Variants in SLC8A1 observed in about 807,000 individuals in gnomAD.
SLC8A1 encodes the protein solute carrier family 8 member A1.
SLC8A1 carries 18 observed loss-of-function variants against 68.3 expected under a neutral mutation model. The ratio of observed to expected loss-of-function variants is 0.26; its 90% CI spans 0.18 to 0.39. The LOEUF (loss-of-function observed/expected upper bound fraction) is 0.39, where lower values mean the gene tolerates loss of function less well. Ranked by LOEUF, SLC8A1 falls within the 10% of genes least tolerant of loss-of-function variation. The pLI is 1.00. For synonymous variants in SLC8A1, 475 were observed against 415.5 expected (o/e 1.14, Z -1.74); for missense variants, 985 against 1,156.7 (o/e 0.85, Z 2.15).
At chr2:40,408,780 T>C (rs1173574283) in intron 2 of SLC8A1, among the ~76,000 whole-genome samples, 1 of 152,150 alleles carries the variant, frequency 6.6e-6, no homozygotes, top group Non-Finnish European at 1.5e-5. Context: ...GATTTAGTCA[T>C]ACAAATTTAT....
intron 2 of SLC8A1, chr2:40,250,514 G>C (rs2062567773): frequency 6.7e-6 from 1 of 150,000 alleles, no homozygotes; most frequent in Non-Finnish European, 1.5e-5. Context: ...GAAAATGTAA[G>C]TGCAAGCGTG....
At chr2:40,429,339 C>T (rs753142752) in exon 2 of SLC8A1, 1 of 1,613,882 alleles carries the variant, frequency 6.2e-7, no homozygotes, top group East Asian at 2.2e-5. Context: ...CTTGGTCCCT[C>T]TCATCCACCT....
chr2:40,238,179 C>T (rs1275617628), intron 2 of SLC8A1, among the ~76,000 whole-genome samples: 2 of 152,056 alleles, frequency 1.3e-5, no homozygotes, highest in Admixed American at 6.5e-5. Context: ...CAAGCCTGGG[C>T]AATGGCGGGC....
intron 2 of SLC8A1, among the ~76,000 whole-genome samples, chr2:40,280,484 T>C (rs763913778): frequency 3.9e-5 from 6 of 152,196 alleles, no homozygotes; most frequent in Non-Finnish European, 5.9e-5. Flanking sequence ...TATACAAATA[T>C]CACATTTGCC....
At chr2:40,350,080 G>A (rs1385436907) in intron 2 of SLC8A1, among the ~76,000 whole-genome samples, 1 of 151,900 alleles carries the variant, frequency 6.6e-6, no homozygotes. Context: ...ATTTTTTGTT[G>A]TTTTCCTTAC....
At chr2:40,153,457 T>C (rs1040133618) in intron 6 of SLC8A1, among the ~76,000 whole-genome samples, 3 of 152,190 alleles carry the variant, frequency 2.0e-5, no homozygotes, top group Non-Finnish European at 2.9e-5. Flanking sequence ...ATGTTATATG[T>C]ACTCTGTATC....
At chr2:40,442,435 A>G (rs1700686040) in intron 1 of SLC8A1, among the ~76,000 whole-genome samples, 1 of 151,582 alleles carries the variant, frequency 6.6e-6, no homozygotes. Flanking sequence ...AAAAGTGGAC[A>G]AAGGATATGA....
intron 2 of SLC8A1, among the ~76,000 whole-genome samples, chr2:40,200,099 C>T (rs1458763753): frequency 7.3e-6 from 1 of 136,780 alleles, no homozygotes; most frequent in Non-Finnish European, 1.5e-5. Context: ...AAGATTTTCT[C>T]AAGGCATTCA....
exon 8 of SLC8A1, chr2:40,111,854 A>G (rs993851107): frequency 1.8e-4 from 27 of 152,186 alleles, no homozygotes; most frequent in Admixed American, 9.8e-4. Flanking sequence ...GATTTGATGT[A>G]ATACTCTGCA....
intron 2 of SLC8A1, among the ~76,000 whole-genome samples, chr2:40,187,555 CT>C (rs2050922577): frequency 6.6e-6 from 1 of 152,196 alleles, no homozygotes; most frequent in Non-Finnish European, 1.5e-5. Flanking sequence ...CCCTATTTTA[CT>C]TTCCTCTGCC....
At chr2:40,323,008 A>G (rs1026204698) in intron 2 of SLC8A1, among the ~76,000 whole-genome samples, 3 of 152,188 alleles carry the variant, frequency 2.0e-5, no homozygotes, top group African/African-American at 7.2e-5. Flanking sequence ...TTTTAGTTCA[A>G]TAATTTTTAT....
intron 6 of SLC8A1, among the ~76,000 whole-genome samples, chr2:40,151,608 A>T (rs1016266517): frequency 6.6e-6 from 1 of 152,198 alleles, no homozygotes; most frequent in Non-Finnish European, 1.5e-5. Context: ...AAAATGTCTG[A>T]AGCAGAAATA....
intron 2 of SLC8A1, among the ~76,000 whole-genome samples, chr2:40,370,122 G>C (rs1441921725): frequency 6.6e-6 from 1 of 152,114 alleles, no homozygotes; most frequent in Non-Finnish European, 1.5e-5. Flanking sequence ...CTAGGCAACA[G>C]ATTCAACACA....
chr2:40,384,985 T>C (rs1409373446), intron 2 of SLC8A1, among the ~76,000 whole-genome samples: 2 of 152,046 alleles, frequency 1.3e-5, no homozygotes, highest in African/African-American at 2.4e-5. Flanking sequence ...TCCTTAAGTA[T>C]ATAGAGTTCT....
intron 2 of SLC8A1, among the ~76,000 whole-genome samples, chr2:40,312,975 T>C (rs1243770518): frequency 6.6e-6 from 1 of 152,024 alleles, no homozygotes; most frequent in Non-Finnish European, 1.5e-5. Context: ...TATGTGTGTA[T>C]AAAATATATG....
chr2:40,170,433 A>AT, intron 4 of SLC8A1, 84 bp from the exon 7 acceptor site: 1 of 1,161,430 alleles, frequency 8.6e-7, no homozygotes, highest in Non-Finnish European at 1.3e-6. Context: ...TAAGCTAAAC[A>AT]TCACACCCAG....
At chr2:40,129,329 C>T (rs2038842741) in intron 7 of SLC8A1, among the ~76,000 whole-genome samples, 1 of 151,466 alleles carries the variant, frequency 6.6e-6, no homozygotes, top group African/African-American at 2.4e-5. Flanking sequence ...CTCCTGGGCT[C>T]AAGTGATCCT....
chr2:40,357,940 T>C (rs1383638170), intron 2 of SLC8A1, among the ~76,000 whole-genome samples: 1 of 151,638 alleles, frequency 6.6e-6, no homozygotes, highest in East Asian at 1.9e-4. Context: ...GGTTCCTCTG[T>C]GCTGCCAGAT....
At chr2:40,491,298 T>G (rs1179097572) in intron 1 of SLC8A1, among the ~76,000 whole-genome samples, 2 of 152,160 alleles carry the variant, frequency 1.3e-5, no homozygotes, top group African/African-American at 4.8e-5. Flanking sequence ...CTGTTATTGG[T>G]GTATAAGAAT....
Sources: allele counts gnomAD v4.1 joint callset (sites outside exome capture counted in the v4.1 genomes callset), GRCh38; gene constraint gnomAD v4.1.1; transcripts MANE v1.5; gene names NCBI Gene and HGNC (gene_info 2026-07-23, HGNC 2026-07-21).